Variants in GRHL2 observed in about 807,000 individuals in gnomAD.
GRHL2 encodes the protein grainyhead like transcription factor 2.
Under a neutral mutation model 83.8 loss-of-function variants are expected in GRHL2, and 21 were observed. The ratio of observed to expected loss-of-function variants is 0.25; its 90% confidence interval spans 0.18 to 0.36. The LOEUF (loss-of-function observed/expected upper bound fraction) is 0.36, where lower values mean the gene tolerates loss of function less well. GRHL2 is among the 10% of genes least tolerant of loss of function. The pLI, the probability that GRHL2 is intolerant of heterozygous loss-of-function variation, is 1.00. For synonymous variants in GRHL2, 280 were observed against 278.9 expected, an observed-to-expected ratio of 1.00 and a Z score of -0.04; for missense variants, 623 against 781.8, an observed-to-expected ratio of 0.80 and a Z score of 2.42.
chr8:101,605,274 T>A (rs563772393), intron 8 of GRHL2, among the ~76,000 whole-genome samples: 10 of 152,258 alleles, frequency 6.6e-5, no homozygotes, highest in Non-Finnish European at 1.2e-4. Context: ...CCTTTTAGAT[T>A]CTGATTCCAC....
chr8:101,552,553 A>T (rs1339895020), intron 2 of GRHL2, among the ~76,000 whole-genome samples, 162 bp from the exon 3 acceptor site: 1 of 152,144 alleles, frequency 6.6e-6, no homozygotes, highest in Non-Finnish European at 1.5e-5. Flanking sequence ...AATCATTGTC[A>T]CTCAGGCTAC....
intron 2 of GRHL2, among the ~76,000 whole-genome samples, chr8:101,548,755 G>A (rs558142789): frequency 6.6e-6 from 1 of 152,200 alleles, no homozygotes; most frequent in Non-Finnish European, 1.5e-5. Context: ...ATGGTTCAAA[G>A]AAGAGCAAAC....
rs1812503994 is a variant in GRHL2, at chr8:101,601,180, ACACACACACC to A, written c.1098+2031_1098+2040del. On this transcript the variant is annotated intron_variant, in intron 8 of 15. Coordinates refer to ENST00000646743, the MANE Select transcript of GRHL2 (RefSeq NM_024915.4). ...CTTAAACACACACACACACACACAC[ACACACACACC>A]CCACCACCACCACCACCACCACCAC... 1.0e-4 allele frequency among the ~76,000 whole-genome samples: 15 copies of A among 148,152 alleles called. No individual in the cohort carries two copies. In the South Asian group the frequency reaches 3.2e-3, roughly 32 times the overall value.
At chr8:101,555,908 A>T (rs1335387484) in intron 3 of GRHL2, among the ~76,000 whole-genome samples, 1 of 152,224 alleles carries the variant, frequency 6.6e-6, no homozygotes, top group East Asian at 1.9e-4. Flanking sequence ...TCAAAGGCTA[A>T]TGGGCTTCCT....
At chr8:101,594,192 G>A (rs1812347606) in intron 7 of GRHL2, among the ~76,000 whole-genome samples, 1 of 150,942 alleles carries the variant, frequency 6.6e-6, no homozygotes, top group African/African-American at 2.4e-5. Context: ...GTCACACACC[G>A]CTGGCATGGC....
chr8:101,572,747 A>G (rs1426823108), intron 5 of GRHL2, among the ~76,000 whole-genome samples: 1 of 152,126 alleles, frequency 6.6e-6, no homozygotes, highest in Non-Finnish European at 1.5e-5. Context: ...GTTATTTTAA[A>G]TAATTGATAT....
downstream of GRHL2, among the ~76,000 whole-genome samples, chr8:101,671,280 G>A (rs1032046902): frequency 2.6e-5 from 4 of 152,196 alleles, no homozygotes; most frequent in Non-Finnish European, 5.9e-5. Context: ...TCAAAGAAAG[G>A]GGTGACAGAC....
chr8:101,506,990 G>A (rs1478497774), intron 1 of GRHL2, among the ~76,000 whole-genome samples: 2 of 152,196 alleles, frequency 1.3e-5, no homozygotes, highest in African/African-American at 4.8e-5. Context: ...GAACTTGGCT[G>A]AGGGGGACTT....
chr8:101,620,419 G>A (rs936464162), intron 9 of GRHL2, among the ~76,000 whole-genome samples: 1 of 152,160 alleles, frequency 6.6e-6, no homozygotes, highest in Non-Finnish European at 1.5e-5. Context: ...CAGGGCATCC[G>A]TTATTATTTT....
At chr8:101,673,526 ATATATATATT>A (rs1814242667), downstream of GRHL2, among the ~76,000 whole-genome samples, 1 of 59,994 alleles carries the variant, frequency 1.7e-5, no homozygotes, top group Non-Finnish European at 3.3e-5. Flanking sequence ...TATATTTAGG[ATATATATATT>A]TGCTCCAATA....
At chr8:101,579,203 G>A (rs1259910525) in intron 7 of GRHL2, among the ~76,000 whole-genome samples, 2 of 152,168 alleles carry the variant, frequency 1.3e-5, no homozygotes, top group East Asian at 1.9e-4. Flanking sequence ...TGAAAAGTTA[G>A]CCTTATAATT....
chr8:101,535,443 C>T (rs1023047926), intron 1 of GRHL2, among the ~76,000 whole-genome samples: 1 of 152,210 alleles, frequency 6.6e-6, no homozygotes, highest in African/African-American at 2.4e-5. Flanking sequence ...AGTGACTGTG[C>T]ATGGGAGCTG....
At chr8:101,589,516 T>C (rs1021433177) in intron 7 of GRHL2, among the ~76,000 whole-genome samples, 1 of 152,222 alleles carries the variant, frequency 6.6e-6, no homozygotes, top group Non-Finnish European at 1.5e-5. Context: ...TAAAAAATAC[T>C]AGCATACACA....
At chr8:101,508,032 C>T (rs1487398587) in intron 1 of GRHL2, among the ~76,000 whole-genome samples, 4 of 152,098 alleles carry the variant, frequency 2.6e-5, no homozygotes, top group East Asian at 1.9e-4. Context: ...GAGATCCACC[C>T]GCCTTGAACT....
rs1812459375 is a variant in GRHL2 at position 101,599,151 on chromosome 8, G to A, written c.1098G>A (p.Lys366=). ...CCTGGGACGTGAATGAAGAGGCGAA[G>A]GTGAGTGACATTGATTCATTGTTTA... ...SFTWDVNEEA[K]IFITVNCLST... Residue 366 remains lysine, a splice_region_variant and synonymous_variant, in exon 8 of 16, where the codon AAG becomes AAA. Transcript: ENST00000646743. The A allele has an allele frequency of 6.3e-7, 1 of 1,589,694 alleles. No homozygotes were observed. Among genetic ancestry groups the A allele is most frequent in the Non-Finnish European group, 8.6e-7 (1 of 1,157,920 alleles).
chr8:101,552,740 C>G lies in GRHL2; in HGVS notation c.242C>G (p.Ser81Cys). ...GTTCCTCGAGACAAGAGGCTGCTGT[C>G]TGTAAGCAAAGCAAGTGACAGCCAA... ...YKVPRDKRLL[S>C]VSKASDSQED... The change falls in exon 3 of 16, where the codon TCT becomes TGT. Residue 81 changes from serine (S) to cysteine (C), a missense_variant. Around this residue, in one of 8 missense-constraint regions of GRHL2, gnomAD observed 239 missense variants for 240.5 expected, o/e 0.99. Transcript: ENST00000646743. The G allele has an allele frequency of 2.5e-6, 4 of 1,614,074 alleles. No homozygotes were observed. Among genetic ancestry groups the G allele is most frequent in the Non-Finnish European group, 3.4e-6 (4 of 1,180,006 alleles).
the GRHL2 span, among the ~76,000 whole-genome samples, chr8:101,680,839 C>G: frequency 3.2e-5 from 4 of 124,056 alleles, no homozygotes; most frequent in African/African-American, 1.3e-4. Flanking sequence ...GGGTACATAA[C>G]GAAATGAAGG....
intron 7 of GRHL2, among the ~76,000 whole-genome samples, chr8:101,594,084 AAAAAAAAAAAAAAAGAG>A (rs1412171449): frequency 2.1e-5 from 3 of 140,320 alleles, no homozygotes; most frequent in Admixed American, 7.0e-5. Context: ...AAAAAAAAAA[AAAAAAAAAAAAAAAGAG>A]AGAGATAGTG....
At chr8:101,580,532 G>A (rs1475361374) in intron 7 of GRHL2, among the ~76,000 whole-genome samples, 4 of 152,066 alleles carry the variant, frequency 2.6e-5, no homozygotes, top group African/African-American at 9.7e-5. Flanking sequence ...TGGGATTACA[G>A]GCGAGAGCCA....
Sources: allele counts gnomAD v4.1 joint callset (sites outside exome capture counted in the v4.1 genomes callset), GRCh38; gene constraint gnomAD v4.1.1; regional missense constraint gnomAD v4.1.1; transcripts MANE v1.5; gene names NCBI Gene and HGNC (gene_info 2026-07-23, HGNC 2026-07-21).